Variants in HDLBP observed in about 807,000 individuals in gnomAD.
The protein encoded by HDLBP is vigilin.
HDLBP carries 30 observed loss-of-function variants against 137.3 expected under a neutral mutation model. That is an observed-to-expected ratio of 0.22 (90% CI 0.16 to 0.30). The LOEUF (loss-of-function observed/expected upper bound fraction) is 0.30. Ranked by LOEUF, HDLBP falls within the 10% of genes least tolerant of loss-of-function variation. HDLBP has a pLI of 1.00. For missense variants in HDLBP, 1,119 were observed against 1,667.3 expected (o/e 0.67, Z 5.73); for synonymous variants, 606 against 596.0 (o/e 1.02, Z -0.24).
chr2:241,314,558 C>T (rs982443062), intron 1 of HDLBP, among the ~76,000 whole-genome samples: 2 of 152,268 alleles, frequency 1.3e-5, no homozygotes, highest in Admixed American at 6.5e-5. Flanking sequence ...CTTAAGATTA[C>T]GACTCATCCA....
intron 1 of HDLBP, among the ~76,000 whole-genome samples, chr2:241,300,504 T>C (rs949649691): frequency 2.0e-5 from 3 of 152,140 alleles, no homozygotes; most frequent in Admixed American, 6.5e-5. Context: ...TGGGGGCAGG[T>C]AGAGAAGACA....
intron 1 of HDLBP, among the ~76,000 whole-genome samples, chr2:241,289,741 A>G (rs1189233783): frequency 6.6e-6 from 1 of 152,208 alleles, no homozygotes; most frequent in Non-Finnish European, 1.5e-5. Flanking sequence ...GAAGATCAGT[A>G]ATGAGGGGAA....
chr2:241,261,040 A>C (rs2073122890), intron 5 of HDLBP, among the ~76,000 whole-genome samples: 1 of 30,074 alleles, frequency 3.3e-5, no homozygotes. Context: ...AAAAACAAAC[A>C]AAAAAAAAGC....
intron 23 of HDLBP, 151 bp from the exon 24 acceptor site, chr2:241,234,114 C>A: frequency 1.3e-6 from 1 of 789,820 alleles, no homozygotes; most frequent in Non-Finnish European, 2.0e-6. Context: ...CTGGTCCGAC[C>A]TCTGCCACCT....
At chr2:241,231,029 A>G in intron 24 of HDLBP, 85 bp from the exon 25 acceptor site, 1 of 1,185,958 alleles carries the variant, frequency 8.4e-7, no homozygotes, top group Non-Finnish European at 1.2e-6. Context: ...CTGCTGAGGA[A>G]AACAGCTCAG....
chr2:241,269,873 G>A (rs1156730658), intron 1 of HDLBP, among the ~76,000 whole-genome samples: 2 of 151,980 alleles, frequency 1.3e-5, no homozygotes, highest in Non-Finnish European at 2.9e-5. Flanking sequence ...CTGGTCTCCC[G>A]CATCCACCCT....
intron 1 of HDLBP, chr2:241,273,079 A>C (rs1335710011): frequency 3.0e-6 from 3 of 985,414 alleles, no homozygotes; most frequent in Non-Finnish European, 2.4e-6. Context: ...ACCCGAGTGG[A>C]AACAACCGAA....
intron 1 of HDLBP, among the ~76,000 whole-genome samples, chr2:241,304,343 A>C (rs749725732): frequency 1.3e-5 from 2 of 152,236 alleles, no homozygotes; most frequent in Non-Finnish European, 2.9e-5. Flanking sequence ...GAGTTAGTCC[A>C]AGAGGCTTGT....
intron 16 of HDLBP, among the ~76,000 whole-genome samples, chr2:241,244,829 A>C (rs1361056343): frequency 6.6e-6 from 1 of 152,206 alleles, no homozygotes; most frequent in East Asian, 1.9e-4. Context: ...AAAGGTTAAT[A>C]ATGTAAATGG....
At chr2:241,276,069 G>T (rs565237409) in intron 1 of HDLBP, among the ~76,000 whole-genome samples, 136 of 152,208 alleles carry the variant, frequency 8.9e-4, no homozygotes, top group Non-Finnish European at 1.9e-3. Context: ...AGCAGAATAT[G>T]CAAGTACAAA....
intron 5 of HDLBP, among the ~76,000 whole-genome samples, chr2:241,262,434 A>G (rs2073277114): frequency 6.6e-6 from 1 of 150,426 alleles, no homozygotes; most frequent in African/African-American, 2.4e-5. Flanking sequence ...GAGCCTAGAC[A>G]ACAAGGTGAG....
chr2:241,253,627 G>T, intron 9 of HDLBP, 130 bp from the exon 10 acceptor site: 1 of 666,626 alleles, frequency 1.5e-6, no homozygotes, highest in Non-Finnish European at 2.7e-6. Flanking sequence ...AGGGAGGGAG[G>T]GACATATCCA....
At chr2:241,288,493 A>G (rs534270288) in intron 1 of HDLBP, among the ~76,000 whole-genome samples, 1 of 152,302 alleles carries the variant, frequency 6.6e-6, no homozygotes, top group East Asian at 1.9e-4. Flanking sequence ...CCTAGGAAAA[A>G]AAATGGGCAG....
intron 1 of HDLBP, among the ~76,000 whole-genome samples, chr2:241,275,470 C>A (rs1003350451): frequency 3.4e-5 from 5 of 148,998 alleles, no homozygotes; most frequent in African/African-American, 1.2e-4. Context: ...AACTGGAGTT[C>A]CAAAACAAAA....
At chr2:241,242,722 G>T in intron 16 of HDLBP, 44 bp from the exon 17 acceptor site, 1 of 1,478,270 alleles carries the variant, frequency 6.8e-7, no homozygotes, top group South Asian at 1.2e-5. Context: ...ACATTTTTGT[G>T]GCAAAAAGGG....
intron 1 of HDLBP, chr2:241,273,314 ACTATCCCC>A: frequency 1.2e-6 from 1 of 853,586 alleles, no homozygotes; most frequent in Non-Finnish European, 1.4e-6. Flanking sequence ...ACTTTTATAA[ACTATCCCC>A]ACCCGATTCC....
intron 1 of HDLBP, among the ~76,000 whole-genome samples, chr2:241,298,839 C>T (rs1434472377): frequency 2.6e-5 from 4 of 152,138 alleles, no homozygotes; most frequent in East Asian, 1.9e-4. Context: ...ATAAGGGACC[C>T]CACAAAATAA....
intron 1 of HDLBP, among the ~76,000 whole-genome samples, chr2:241,281,145 C>A (rs928173358): frequency 6.6e-6 from 1 of 152,044 alleles, no homozygotes; most frequent in African/African-American, 2.4e-5. Context: ...CACTTGAGGT[C>A]GAGAGATCGA....
chr2:241,306,971 CAA>C (rs5839774), intron 1 of HDLBP, among the ~76,000 whole-genome samples: 14 of 79,126 alleles, frequency 1.8e-4, no homozygotes, highest in Middle Eastern at 6.4e-3. Context: ...TGAACCTATT[CAA>C]AAAAAAAAAA....
Sources: allele counts gnomAD v4.1 joint callset (sites outside exome capture counted in the v4.1 genomes callset), GRCh38; gene constraint gnomAD v4.1.1; transcripts MANE v1.5; gene names NCBI Gene and HGNC (gene_info 2026-07-23, HGNC 2026-07-21).